The following COLEC12 variants were observed in gnomAD, a reference collection of about 807,000 sequenced individuals.
COLEC12 encodes collectin-12.
In COLEC12, 33 loss-of-function variants were observed where a neutral mutation model predicts 71.1. That is an observed-to-expected ratio of 0.46 (90% CI 0.35 to 0.62). COLEC12 has a LOEUF of 0.62. Among genes scored for constraint, COLEC12 ranks in the 20% least tolerant of loss-of-function variants. The pLI is 0.00. For missense variants in COLEC12, 765 were observed against 916.1 expected (o/e 0.84, Z 2.13); for synonymous variants, 350 against 353.0 (o/e 0.99, Z 0.10).
chr18:412,089 G>T (rs1296196786), intron 2 of COLEC12, among the ~76,000 whole-genome samples: 1 of 152,136 alleles, frequency 6.6e-6, no homozygotes, highest in Non-Finnish European at 1.5e-5. Context: ...TTTGGCAAGA[G>T]AAATGAACCT....
intron 2 of COLEC12, among the ~76,000 whole-genome samples, chr18:391,987 T>C (rs1915471835): frequency 6.6e-6 from 1 of 152,228 alleles, no homozygotes; most frequent in Non-Finnish European, 1.5e-5. Context: ...CGTGGCATCA[T>C]ACTTTGCATG....
chr18:432,193 TTAAC>T (rs1268184820), intron 2 of COLEC12, among the ~76,000 whole-genome samples: 5 of 152,238 alleles, frequency 3.3e-5, no homozygotes, highest in South Asian at 2.1e-4. Flanking sequence ...AATTCATTCA[TTAAC>T]TAACAAACAT....
intron 2 of COLEC12, among the ~76,000 whole-genome samples, chr18:433,945 CAA>C (rs1188124876): frequency 8.6e-6 from 1 of 115,954 alleles, no homozygotes; most frequent in Non-Finnish European, 1.7e-5. Context: ...GCCTGGGCGA[CAA>C]AGTGAGACCC....
At chr18:359,357 C>T (rs1914695081) in intron 2 of COLEC12, among the ~76,000 whole-genome samples, 1 of 152,098 alleles carries the variant, frequency 6.6e-6, no homozygotes, top group Non-Finnish European at 1.5e-5. Flanking sequence ...GTATTATAAC[C>T]TATGGCAGAA....
chr18:322,696 C>A (rs976770733), intron 8 of COLEC12, among the ~76,000 whole-genome samples: 2 of 152,186 alleles, frequency 1.3e-5, no homozygotes, highest in Non-Finnish European at 2.9e-5. Flanking sequence ...TGTGGAGGGT[C>A]TGGAAGAACA....
In COLEC12 at chr18:318,925, TC is replaced by T. The variant is rs1334027916; in HGVS notation, c.*1119del. On this transcript the variant is annotated 3_prime_UTR_variant, in exon 10 of 10. Transcript: ENST00000400256. ...ACTTTCCAGGTAACACGTAGCCGGTTCCCATCTTTCTAGCATCTCTGCCTTT... is the reference window on the plus strand; with the variant it reads ...ACTTTCCAGGTAACACGTAGCCGGTTCCATCTTTCTAGCATCTCTGCCTTT... 1 of 152,046 alleles carries T rather than the reference TC, an allele frequency of 6.6e-6. No individual in the cohort carries two copies. Among genetic ancestry groups the T allele is most frequent in the Non-Finnish European group, 1.5e-5 (1 of 67,998 alleles). 9.4% of individuals were successfully genotyped at this position (152,046 alleles called of 1,614,324 possible).
chr18:346,360 A>G lies in COLEC12; in HGVS notation c.1262T>C (p.Met421Thr). The change falls in exon 5 of 10, where the codon ATG becomes ACG. Residue 421 changes from methionine (M) to threonine (T), a missense_variant. Physicochemically the swap from Met to Thr is moderately conservative, Grantham distance 81 (BLOSUM62 -1). Coordinates refer to ENST00000400256, the MANE Select transcript of COLEC12 (RefSeq NM_130386.3). The surrounding 1 kb of genome is among the most constrained non-coding windows in gnomAD (Gnocchi z 4.0). ...DTEVANLSVIMEEMKLVDSKH... is the reference protein window; with the variant it reads ...DTEVANLSVITEEMKLVDSKH... ...GGAGTCTACTAGCTTCATTTCTTCC[A>G]TAATCACTGATAAGTTGGCTACTTC... The G allele has an allele frequency of 6.2e-7, 1 of 1,614,122 alleles. No individual in the cohort carries two copies. Among genetic ancestry groups the G allele is most frequent in the Non-Finnish European group, 8.5e-7 (1 of 1,179,994 alleles).
chr18:493,984 T>C (rs1254026876), intron 1 of COLEC12, among the ~76,000 whole-genome samples: 1 of 151,922 alleles, frequency 6.6e-6, no homozygotes, highest in Non-Finnish European at 1.5e-5. Flanking sequence ...TGAGCAATAG[T>C]ACTAAAAAAA....
At chr18:373,411 A>G (rs1915044271) in intron 2 of COLEC12, among the ~76,000 whole-genome samples, 2 of 152,212 alleles carry the variant, frequency 1.3e-5, no homozygotes, top group African/African-American at 2.4e-5. Context: ...ATGTGGACAC[A>G]TGGAAACGGA....
intron 5 of COLEC12, among the ~76,000 whole-genome samples, chr18:336,834 C>T (rs1384444776): frequency 6.6e-6 from 1 of 152,024 alleles, no homozygotes; most frequent in Admixed American, 6.6e-5. Context: ...CTTAATCTCT[C>T]TCTCTCTTTT....
chr18:479,916 T>C (rs1917380816), intron 2 of COLEC12, among the ~76,000 whole-genome samples: 1 of 152,072 alleles, frequency 6.6e-6, no homozygotes, highest in South Asian at 2.1e-4. Context: ...ATATGGGGAG[T>C]ATACAGCTCT....
intron 2 of COLEC12, among the ~76,000 whole-genome samples, chr18:454,442 G>T (rs1022807911): frequency 6.6e-6 from 1 of 152,178 alleles, no homozygotes; most frequent in African/African-American, 2.4e-5. Context: ...AGCTCTTTGG[G>T]AGGCCAAGGC....
intron 2 of COLEC12, among the ~76,000 whole-genome samples, chr18:457,186 T>C (rs761027296): frequency 6.6e-6 from 1 of 152,168 alleles, no homozygotes; most frequent in Non-Finnish European, 1.5e-5. Context: ...CAGCTTACCC[T>C]GTGAACGAAC....
intron 1 of COLEC12, among the ~76,000 whole-genome samples, chr18:497,383 G>GGTGTGGGTGTGT (rs1917731806): frequency 6.8e-6 from 1 of 147,052 alleles, no homozygotes; most frequent in African/African-American, 2.5e-5. Context: ...TAAAGAATGG[G>GGTGTGGGTGTGT]GTGTGTGTGT....
At chr18:489,313 T>C (rs1016754088) in intron 1 of COLEC12, among the ~76,000 whole-genome samples, 1 of 152,164 alleles carries the variant, frequency 6.6e-6, no homozygotes, top group African/African-American at 2.4e-5. Flanking sequence ...ATAAAGACCT[T>C]TGCAGACCAG....
chr18:445,039 T>C (rs1383227), intron 2 of COLEC12, among the ~76,000 whole-genome samples: 34,238 of 152,172 alleles, frequency 0.22, 4,097 homozygotes, highest in East Asian at 0.38. Flanking sequence ...CTTCTTAGGA[T>C]ATTCACAGTT....
At chr18:463,729 C>T (rs1453586366) in intron 2 of COLEC12, among the ~76,000 whole-genome samples, 3 of 152,164 alleles carry the variant, frequency 2.0e-5, no homozygotes, top group African/African-American at 7.2e-5. Context: ...ACTTCATTCC[C>T]GTTGTCACAC....
Position 500,627 on chromosome 18 carries a change from C to T in COLEC12, c.-113G>A, listed in dbSNP as rs1377161084. ...ACGCCCATGGTAGCCGCGCCGCGCG[C>T]CGGCCGTCTGCGCCCCCGTCCTCCC... is the stretch of plus-strand genomic sequence containing the variant. On this transcript the variant is annotated 5_prime_UTR_variant, in exon 1 of 10. Transcript: ENST00000400256. This position sits in a 1 kb window ranked among gnomAD's most constrained non-coding sequence, Gnocchi z 5.3. 3 of 913,074 alleles carry T rather than the reference C, an allele frequency of 3.3e-6. No homozygotes were observed. Among genetic ancestry groups the T allele is most frequent in the Non-Finnish European group, 4.2e-6 (3 of 717,576 alleles). The allele number at this position is 913,074 out of a possible 1,614,324, so 56.6% of individuals were successfully genotyped here.
rs1317203075 is a variant in COLEC12, at chr18:347,150, C to T, written c.472G>A (p.Glu158Lys). ...DRQSQLKETLENNSFLITTVN... is the reference protein window; with the variant it reads ...DRQSQLKETLKNNSFLITTVN... The stretch of plus-strand genomic sequence containing the variant: ...GTGGTGATGAGGAAAGAGTTATTCT[C>T]CAAAGTTTCTTTCAATTGACTCTGC... Residue 158 changes from glutamate to lysine, a missense_variant, in exon 5 of 10, where the codon GAG becomes AAG. Physicochemically the swap from Glu to Lys is moderately conservative, Grantham distance 56 (BLOSUM62 1). Transcript: ENST00000400256. The T allele has an allele frequency of 4.3e-6, 7 of 1,614,046 alleles. No homozygotes were observed. The highest frequency in any genetic ancestry group is 5.9e-6 in the Non-Finnish European group (7 of 1,180,042).
Sources: allele counts gnomAD v4.1 joint callset (sites outside exome capture counted in the v4.1 genomes callset), GRCh38; gene constraint gnomAD v4.1.1; non-coding constraint Gnocchi (gnomAD v3.1); transcripts MANE v1.5; gene names NCBI Gene and HGNC (gene_info 2026-07-23, HGNC 2026-07-21).